Variants in ATP2B4 observed in about 807,000 individuals in gnomAD.
ATP2B4 encodes the protein ATPase plasma membrane Ca2+ transporting 4.
Under a neutral mutation model 110.3 loss-of-function variants are expected in ATP2B4, and 39 were observed. That is an observed-to-expected ratio of 0.35 (90% confidence interval 0.27 to 0.46). ATP2B4 has a LOEUF of 0.46. Among genes scored for constraint, ATP2B4 ranks in the 20% least tolerant of loss-of-function variants. The pLI, the probability that ATP2B4 is intolerant of heterozygous loss-of-function variation, is 1.00. For synonymous variants in ATP2B4, 538 were observed against 571.7 expected (o/e 0.94, Z 0.84); for missense variants, 1,135 against 1,530.9 (o/e 0.74, Z 4.32).
At chr1:203,718,586 C>T (rs915272715) in intron 15 of ATP2B4, among the ~76,000 whole-genome samples, 1 of 152,190 alleles carries the variant, frequency 6.6e-6, no homozygotes, top group South Asian at 2.1e-4. Flanking sequence ...AGGCATGAGC[C>T]ACCACACCCA....
intron 10 of ATP2B4, 82 bp downstream of exon 10, chr1:203,708,186 G>C: frequency 6.4e-7 from 1 of 1,563,766 alleles, no homozygotes; most frequent in East Asian, 2.3e-5. Flanking sequence ...CCCCCTTATT[G>C]TTTACACTGC....
intron 13 of ATP2B4, among the ~76,000 whole-genome samples, chr1:203,712,424 C>G (rs1379547742): frequency 2.6e-5 from 4 of 152,008 alleles, no homozygotes; most frequent in Non-Finnish European, 5.9e-5. Context: ...AACCCCGTCT[C>G]TACCAAAAAT....
chr1:203,718,972 C>A (rs144858564), intron 15 of ATP2B4, among the ~76,000 whole-genome samples: 1 of 151,998 alleles, frequency 6.6e-6, no homozygotes, highest in African/African-American at 2.4e-5. Context: ...CGTAATCAAT[C>A]GCAACACTTT....
At chr1:203,654,805 T>G (rs2102323367) in intron 1 of ATP2B4, among the ~76,000 whole-genome samples, 1 of 151,268 alleles carries the variant, frequency 6.6e-6, no homozygotes, top group Middle Eastern at 3.4e-3. Flanking sequence ...GAGGATCGTT[T>G]GGGCCTGAGA....
intron 1 of ATP2B4, among the ~76,000 whole-genome samples, chr1:203,673,017 C>T (rs1357523733): frequency 6.6e-6 from 1 of 152,122 alleles, no homozygotes; most frequent in Non-Finnish European, 1.5e-5. Flanking sequence ...AGATCAGCAA[C>T]CTGGAAGGAC....
intron 2 of ATP2B4, among the ~76,000 whole-genome samples, chr1:203,692,189 T>G (rs996395143): frequency 1.3e-4 from 19 of 151,860 alleles, no homozygotes; most frequent in African/African-American, 4.6e-4. Flanking sequence ...CTTTTTTTTC[T>G]TTTTTTGAGA....
At chr1:203,732,560 C>G (rs1381436220) in intron 20 of ATP2B4, among the ~76,000 whole-genome samples, 1 of 152,102 alleles carries the variant, frequency 6.6e-6, no homozygotes, top group Non-Finnish European at 1.5e-5. Flanking sequence ...ATATTGGCTA[C>G]TAAATGGCCC....
intron 2 of ATP2B4, among the ~76,000 whole-genome samples, chr1:203,685,701 A>G (rs182950261): frequency 3.9e-5 from 6 of 152,248 alleles, no homozygotes; most frequent in Middle Eastern, 3.4e-3. Flanking sequence ...TAGCTCCACC[A>G]TTTACTAACT....
chr1:203,630,532 T>C (rs549944339), intron 1 of ATP2B4, among the ~76,000 whole-genome samples: 13 of 152,166 alleles, frequency 8.5e-5, no homozygotes, highest in Non-Finnish European at 1.9e-4. Context: ...ACAAACCCCG[T>C]TAGCCAAACC....
chr1:203,675,379 TGA>T (rs1169958844), intron 1 of ATP2B4, among the ~76,000 whole-genome samples: 9 of 152,190 alleles, frequency 5.9e-5, no homozygotes, highest in African/African-American at 2.2e-4. Flanking sequence ...ACTCCAAGAC[TGA>T]GAGGTATTTT....
chr1:203,709,256 T>A, intron 10 of ATP2B4, 45 bp from the exon 11 acceptor site: 1 of 1,608,310 alleles, frequency 6.2e-7, no homozygotes, highest in East Asian at 2.2e-5. Flanking sequence ...CTCTGCCTTG[T>A]CAAGGCATCT....
rs1667014628 is a variant in ATP2B4 at position 203,742,523 on chromosome 1, A to G, written c.*2669A>G. ...GATTTGAAAAGGGTCTGATGGGGAG[A>G]AGGAGAACGTATCATCCTAGCTTCC... is the stretch of plus-strand genomic sequence containing the variant. On this transcript the variant is annotated 3_prime_UTR_variant, in exon 21 of 21. Coordinates refer to ENST00000357681, the MANE Select transcript of ATP2B4 (RefSeq NM_001684.5). 1 of 152,558 alleles carries G rather than the reference A, an allele frequency of 6.6e-6. No homozygotes were observed. The highest frequency in any genetic ancestry group is 2.1e-4 in the South Asian group (1 of 4,816). The allele number at this position is 152,558 out of a possible 1,614,324, so 9.5% of individuals were successfully genotyped here.
chr1:203,722,493 A>T lies in ATP2B4; in HGVS notation c.2828A>T (p.Asp943Val). Residue 943 changes from aspartate (D) to valine (V), a missense_variant, in exon 18 of 21, where the codon GAT (aspartate) becomes GTT (valine). Transcript: ENST00000357681. ...TCCCCACTAGGTGAGAAATTCTTTG[A>T]TATTGATAGTGGGAGGAAGGCACCT... ...ILVFAGEKFFDIDSGRKAPLH... is the reference protein window; with the variant it reads ...ILVFAGEKFFVIDSGRKAPLH... 1 of 1,613,648 alleles carries T rather than the reference A, an allele frequency of 6.2e-7. No homozygotes were observed. Among genetic ancestry groups the T allele is most frequent in the Non-Finnish European group, 8.5e-7 (1 of 1,179,510 alleles).
At chr1:203,642,327 A>T (rs1571671515) in intron 1 of ATP2B4, among the ~76,000 whole-genome samples, 1 of 152,228 alleles carries the variant, frequency 6.6e-6, no homozygotes, top group African/African-American at 2.4e-5. Context: ...CAAGCAATCC[A>T]CCTGCCTCTG....
rs1287893513 is a variant in ATP2B4 at position 203,715,375 on chromosome 1, A to C, written c.2406+1098A>C. 7.7e-5 allele frequency among the ~76,000 whole-genome samples: 11 copies of C among 143,160 alleles called. 1 individual carries two copies. Among genetic ancestry groups the C allele is most frequent in the African/African-American group, 2.8e-4 (11 of 39,112 alleles). 93.9% of individuals were successfully genotyped at this position (143,160 alleles called of 152,430 possible). ...CGAGACCAGTCTAGCCAGCATGGTGAAACCCCAGCTCTACTAAAAATACAA... is the reference window on the plus strand; with the variant it reads ...CGAGACCAGTCTAGCCAGCATGGTGCAACCCCAGCTCTACTAAAAATACAA... On this transcript the variant is annotated intron_variant, in intron 15 of 20. Coordinates refer to ENST00000357681, the MANE Select transcript of ATP2B4 (RefSeq NM_001684.5).
intron 15 of ATP2B4, among the ~76,000 whole-genome samples, chr1:203,720,107 A>G (rs1443088103): frequency 6.6e-6 from 1 of 152,196 alleles, no homozygotes; most frequent in East Asian, 1.9e-4. Context: ...AAAATTTTGA[A>G]CAAAGATGAA....
At chr1:203,644,176 G>A (rs1334449319) in intron 1 of ATP2B4, among the ~76,000 whole-genome samples, 1 of 151,222 alleles carries the variant, frequency 6.6e-6, no homozygotes, top group African/African-American at 2.4e-5. Flanking sequence ...CTTGAACCCT[G>A]GAGGCAGAGG....
At chr1:203,706,589 T>C (rs917394309) in intron 8 of ATP2B4, among the ~76,000 whole-genome samples, 5 of 152,130 alleles carry the variant, frequency 3.3e-5, no homozygotes, top group African/African-American at 1.2e-4. Flanking sequence ...AAGTCAAAAT[T>C]GATAAACTAC....
intron 20 of ATP2B4, among the ~76,000 whole-genome samples, chr1:203,732,138 T>C (rs375350277): frequency 9.7e-5 from 14 of 143,856 alleles, no homozygotes; most frequent in African/African-American, 3.7e-4. Flanking sequence ...GATCGCACCT[T>C]GCACTCCAGC....
Sources: gnomAD v4.1 joint callset for allele counts (sites outside exome capture counted in the v4.1 genomes callset) on GRCh38, gnomAD v4.1.1 for gene constraint, MANE v1.5 for transcripts, NCBI Gene and HGNC (gene_info 2026-07-23, HGNC 2026-07-21) for gene names.